The following PIGL variants were observed in gnomAD, a reference collection of about 807,000 sequenced individuals.
The protein encoded by PIGL is N-acetylglucosaminyl-phosphatidylinositol de-N-acetylase.
PIGL carries 22 observed loss-of-function variants against 31.1 expected under a neutral mutation model. The observed-to-expected ratio is 0.71, with a 90% CI of 0.51 to 1.01. The LOEUF (loss-of-function observed/expected upper bound fraction) is 1.01. PIGL is among the 50% of genes least tolerant of loss of function. The pLI is 0.00. For synonymous variants in PIGL, 131 were observed against 117.4 expected, an observed-to-expected ratio of 1.12 and a Z score of -0.75; for missense variants, 302 against 315.9, an observed-to-expected ratio of 0.96 and a Z score of 0.33.
chr17:16,313,398 C>T (rs1190672481), intron 3 of PIGL, 149 bp from the exon 4 acceptor site: 1 of 673,124 alleles, frequency 1.5e-6, no homozygotes, highest in Non-Finnish European at 2.8e-6. Context: ...AGCTACACAC[C>T]ACTGATCTGC....
chr17:16,218,555 G>T (rs1442231673), intron 1 of PIGL, among the ~76,000 whole-genome samples: 1 of 151,900 alleles, frequency 6.6e-6, no homozygotes, highest in Non-Finnish European at 1.5e-5. Context: ...CTAGTTTATT[G>T]CAAAGAGCAG....
intron 2 of PIGL, among the ~76,000 whole-genome samples, chr17:16,290,962 G>A (rs995930776): frequency 1.3e-5 from 2 of 152,150 alleles, no homozygotes; most frequent in South Asian, 2.1e-4. Context: ...TTACAGGTGT[G>A]AGCCACCACA....
At chr17:16,303,600 A>ATG (rs1353609469) in intron 3 of PIGL, among the ~76,000 whole-genome samples, 1 of 150,804 alleles carries the variant, frequency 6.6e-6, no homozygotes, top group African/African-American at 2.4e-5. Flanking sequence ...GTGCAGTGGC[A>ATG]TGACCTCGGC....
At chr17:16,273,641 T>C (rs2092881603) in intron 2 of PIGL, among the ~76,000 whole-genome samples, 1 of 151,996 alleles carries the variant, frequency 6.6e-6, no homozygotes, top group South Asian at 2.1e-4. Context: ...TAGTTTCTAG[T>C]GCTGCTACAG....
In PIGL at chr17:16,318,760, G is replaced by A. The variant is rs564732631; in HGVS notation, c.660+852G>A. On this transcript the variant is annotated intron_variant, in intron 6 of 6. Transcript: ENST00000225609. ...AGCCTGGCCAACATGTTGAAACCCC[G>A]TCTCTACTAAAGCTACAAAAATTAG... is the stretch of plus-strand genomic sequence containing the variant. 4.0e-5 allele frequency among the ~76,000 whole-genome samples: 6 copies of A among 151,304 alleles called. No homozygotes were observed. In the East Asian group the frequency reaches 5.9e-4, roughly 15 times the overall value.
At chr17:16,289,276 G>A (rs1477414370) in intron 2 of PIGL, among the ~76,000 whole-genome samples, 1 of 152,230 alleles carries the variant, frequency 6.6e-6, no homozygotes, top group Non-Finnish European at 1.5e-5. Context: ...CTATGGACTA[G>A]AATTCTGAAA....
chr17:16,308,549 C>T (rs1392825882), intron 3 of PIGL, among the ~76,000 whole-genome samples: 1 of 152,088 alleles, frequency 6.6e-6, no homozygotes, highest in Non-Finnish European at 1.5e-5. Flanking sequence ...TCCCTGCTCC[C>T]ATAGAGCAGG....
intron 2 of PIGL, among the ~76,000 whole-genome samples, chr17:16,263,019 A>G (rs917332693): frequency 2.6e-5 from 4 of 151,648 alleles, no homozygotes; most frequent in Non-Finnish European, 4.4e-5. Flanking sequence ...GCAAATCCAT[A>G]GAAACAGAGT....
At chr17:16,248,615 G>A (rs1327916386) in intron 2 of PIGL, among the ~76,000 whole-genome samples, 3 of 151,998 alleles carry the variant, frequency 2.0e-5, no homozygotes, top group Non-Finnish European at 2.9e-5. Flanking sequence ...CCTTTCCTGA[G>A]TCCTCACCAG....
intron 3 of PIGL, among the ~76,000 whole-genome samples, chr17:16,308,063 A>G (rs960012962): frequency 2.0e-5 from 3 of 152,046 alleles, no homozygotes; most frequent in Non-Finnish European, 4.4e-5. Flanking sequence ...GGCTGGGTGC[A>G]GTGGCTCATG....
chr17:16,263,067 T>G (rs950044910), intron 2 of PIGL, among the ~76,000 whole-genome samples: 2 of 123,574 alleles, frequency 1.6e-5, no homozygotes, highest in African/African-American at 3.1e-5. Flanking sequence ...GAGGGAAAAA[T>G]GGGGTTTATT....
intron 2 of PIGL, among the ~76,000 whole-genome samples, chr17:16,283,647 CCT>C (rs952842055): frequency 1.3e-5 from 2 of 151,720 alleles, no homozygotes; most frequent in Admixed American, 1.3e-4. Context: ...AGACTGAGAC[CCT>C]GTCTCTTAAA....
chr17:16,263,285 C>A (rs1173272092), intron 2 of PIGL, among the ~76,000 whole-genome samples: 1 of 150,246 alleles, frequency 6.7e-6, no homozygotes, highest in Non-Finnish European at 1.5e-5. Context: ...CTAAAGTGAT[C>A]CTCCTGCCTC....
rs73287023 is a variant in PIGL at position 16,317,976 on chromosome 17, C to A, written c.660+68C>A. The A allele has an allele frequency of 7.8e-3, 10,615 of 1,366,670 alleles. 614 individuals carry two copies. In the African/African-American group the frequency reaches 0.13, roughly 17 times the overall value. 84.7% of individuals were successfully genotyped at this position (1,366,670 alleles called of 1,614,324 possible). On this transcript the variant is annotated intron_variant, in intron 6 of 6. Transcript: ENST00000225609. ...CCCCAGACCCCTGTCTCCTCAAAGCCCCACCTCTGCAGAAGCCCTAACTGA... is the reference window on the plus strand; with the variant it reads ...CCCCAGACCCCTGTCTCCTCAAAGCACCACCTCTGCAGAAGCCCTAACTGA...
intron 2 of PIGL, among the ~76,000 whole-genome samples, chr17:16,271,536 CT>C (rs775474586): frequency 0.05 from 7,323 of 146,312 alleles, 196 homozygotes; most frequent in African/African-American, 0.09. Context: ...ACATAGAACA[CT>C]TTTTTTTTTT....
intron 6 of PIGL, among the ~76,000 whole-genome samples, chr17:16,320,221 G>GGGAGAAAGAGACAGAGA (rs2093097602): frequency 1.5e-4 from 15 of 96,950 alleles, no homozygotes; most frequent in African/African-American, 7.0e-4. Context: ...AAGGAAGGAA[G>GGGAGAAAGAGACAGAGA]GAAGGAAGGA....
intron 2 of PIGL, among the ~76,000 whole-genome samples, chr17:16,259,899 GC>G (rs1455273274): frequency 2.6e-5 from 4 of 152,336 alleles, no homozygotes; most frequent in African/African-American, 9.6e-5. Context: ...GACTCAGGAA[GC>G]CCCCTGCCCC....
intron 1 of PIGL, among the ~76,000 whole-genome samples, chr17:16,220,163 C>T (rs1392659548): frequency 6.6e-6 from 1 of 151,964 alleles, no homozygotes; most frequent in Non-Finnish European, 1.5e-5. Context: ...TCTTGGCCAA[C>T]ATGTTGAAAC....
chr17:16,234,152 G>A (rs1297041123), intron 2 of PIGL, 82 bp downstream of exon 2: 1 of 774,010 alleles, frequency 1.3e-6, no homozygotes, highest in African/African-American at 1.7e-5. Context: ...AAAAACTAAT[G>A]TGAGTGGCTG....
Sources: allele counts gnomAD v4.1 joint callset (sites outside exome capture counted in the v4.1 genomes callset), GRCh38; gene constraint gnomAD v4.1.1; transcripts MANE v1.5; gene names NCBI Gene and HGNC (gene_info 2026-07-23, HGNC 2026-07-21).